Variants in LARGE1 observed in about 807,000 individuals in gnomAD.
LARGE1 encodes the protein LARGE xylosyl- and glucuronyltransferase 1.
In LARGE1, 43 loss-of-function variants were observed where a neutral mutation model predicts 87.6. The ratio of observed to expected loss-of-function variants is 0.49; its 90% CI spans 0.38 to 0.63. The LOEUF (loss-of-function observed/expected upper bound fraction) is 0.63, where lower values mean the gene tolerates loss of function less well. Ranked by LOEUF, LARGE1 falls within the 30% of genes least tolerant of loss-of-function variation. The pLI is 0.00. For synonymous variants in LARGE1, 434 were observed against 394.6 expected, an observed-to-expected ratio of 1.10 and a Z score of -1.18; for missense variants, 802 against 1,000.2, an observed-to-expected ratio of 0.80 and a Z score of 2.67.
intron 1 of LARGE1, among the ~76,000 whole-genome samples, chr22:33,820,253 G>A (rs1361901831): frequency 2.0e-5 from 3 of 152,098 alleles, no homozygotes; most frequent in Admixed American, 6.6e-5. Context: ...CCTGACAATA[G>A]ATGTTTTTAA....
chr22:33,630,856 C>T (rs1422702969), intron 3 of LARGE1, among the ~76,000 whole-genome samples: 1 of 146,332 alleles, frequency 6.8e-6, no homozygotes, highest in Non-Finnish European at 1.5e-5. Context: ...TTTTAACTAT[C>T]TCTTTTTTTT....
At chr22:33,411,558 T>C (rs538572744) in intron 7 of LARGE1, among the ~76,000 whole-genome samples, 1 of 152,354 alleles carries the variant, frequency 6.6e-6, no homozygotes, top group African/African-American at 2.4e-5. Flanking sequence ...TTGGCAAATT[T>C]AAATTTTGAT....
At chr22:33,486,755 A>G (rs1375989736) in intron 6 of LARGE1, among the ~76,000 whole-genome samples, 2 of 152,270 alleles carry the variant, frequency 1.3e-5, no homozygotes, top group South Asian at 2.1e-4. Flanking sequence ...AGTCATCTTC[A>G]TTGACTCCTG....
At chr22:33,158,999 T>C (rs1921944695), downstream of LARGE1, among the ~76,000 whole-genome samples, 1 of 152,252 alleles carries the variant, frequency 6.6e-6, no homozygotes, top group Admixed American at 6.5e-5. Context: ...TTTTTATCAG[T>C]AGTCTGATAT....
intron 1 of LARGE1, among the ~76,000 whole-genome samples, chr22:33,912,890 C>A (rs1223774845): frequency 6.6e-6 from 1 of 150,662 alleles, no homozygotes; most frequent in Non-Finnish European, 1.5e-5. Flanking sequence ...AGCGCAATGG[C>A]TGTGATCTCG....
At chr22:33,524,064 G>A (rs535646352) in intron 6 of LARGE1, among the ~76,000 whole-genome samples, 64 of 152,134 alleles carry the variant, frequency 4.2e-4, no homozygotes, top group African/African-American at 1.3e-3. Context: ...ATGCTGAGGC[G>A]GGCGGATCAT....
chr22:33,716,109 T>C (rs1168669258), intron 2 of LARGE1, among the ~76,000 whole-genome samples: 1 of 152,186 alleles, frequency 6.6e-6, no homozygotes, highest in African/African-American at 2.4e-5. Flanking sequence ...ACCTCTTACT[T>C]TGGGAAACAG....
chr22:33,680,809 GAA>G (rs61043150), intron 2 of LARGE1, among the ~76,000 whole-genome samples: 3,164 of 144,450 alleles, frequency 0.022, 117 homozygotes, highest in African/African-American at 0.074. Context: ...TCTGCTTTAG[GAA>G]AAAAAAAAAA....
intron 6 of LARGE1, among the ~76,000 whole-genome samples, chr22:33,437,424 T>G (rs2067309943): frequency 6.6e-6 from 1 of 152,226 alleles, no homozygotes. Flanking sequence ...TGTGCTTGCT[T>G]CTTCATTCAC....
At chr22:33,831,120 C>T (rs738948) in intron 1 of LARGE1, among the ~76,000 whole-genome samples, 56,409 of 140,782 alleles carry the variant, frequency 0.4, 11,296 homozygotes, top group Non-Finnish European at 0.43. Context: ...TTTTTTGAGA[C>T]GGAGTCTCGC....
intron 6 of LARGE1, among the ~76,000 whole-genome samples, chr22:33,498,921 G>A (rs945059580): frequency 2.0e-5 from 3 of 152,040 alleles, no homozygotes; most frequent in East Asian, 1.9e-4. Context: ...GCAGTGAGCC[G>A]AGATCGCGCC....
intron 6 of LARGE1, among the ~76,000 whole-genome samples, chr22:33,519,231 C>G (rs1162101916): frequency 7.4e-6 from 1 of 134,544 alleles, no homozygotes; most frequent in African/African-American, 2.7e-5. Flanking sequence ...CGTGCGTGCG[C>G]GCGCGTGTGT....
At chr22:33,284,648 G>A (rs762641925) in intron 12 of LARGE1, among the ~76,000 whole-genome samples, 1 of 152,052 alleles carries the variant, frequency 6.6e-6, no homozygotes, top group Non-Finnish European at 1.5e-5. Context: ...TGCAATCTTG[G>A]CTCACGGCAA....
intron 6 of LARGE1, among the ~76,000 whole-genome samples, chr22:33,497,852 G>A (rs748835366): frequency 2.0e-5 from 3 of 152,110 alleles, no homozygotes; most frequent in Non-Finnish European, 4.4e-5. Context: ...CAAAGCAAGA[G>A]TTACAGAGTG....
intron 3 of LARGE1, among the ~76,000 whole-genome samples, chr22:33,647,468 A>G (rs1351293612): frequency 6.6e-6 from 1 of 152,260 alleles, no homozygotes; most frequent in Non-Finnish European, 1.5e-5. Context: ...TGTGGACAAC[A>G]TAGCTAAAGC....
chr22:33,144,401 ATATATTGACAACTACAGAATTATTG>A, the LARGE1 span, among the ~76,000 whole-genome samples: 1 of 152,148 alleles, frequency 6.6e-6, no homozygotes, highest in Non-Finnish European at 1.5e-5. Context: ...TAGTTGTTGC[ATATATTGACAACTACAGAATTATTG>A]ATTCTATAGT....
intron 4 of LARGE1, among the ~76,000 whole-genome samples, chr22:33,625,301 A>G (rs1016334080): frequency 4.6e-5 from 7 of 152,200 alleles, no homozygotes; most frequent in Non-Finnish European, 1.0e-4. Context: ...CTAGATGCCA[A>G]TCAAAATAGT....
At chr22:33,633,513 A>G (rs1167161477) in intron 3 of LARGE1, among the ~76,000 whole-genome samples, 1 of 152,212 alleles carries the variant, frequency 6.6e-6, no homozygotes, top group Non-Finnish European at 1.5e-5. Flanking sequence ...CATTGTCCCA[A>G]AAGAAATTCA....
chr22:33,451,902 C>T lies in LARGE1; in HGVS notation c.788-19637G>A, dbSNP rs75604424. Reference sequence around the variant, plus strand: ...CCTTTGCATCCTCATAGCTTAGCTCCCACTTATCAGTGACAACATACAACG... The same window carrying T: ...CCTTTGCATCCTCATAGCTTAGCTCTCACTTATCAGTGACAACATACAACG... On this transcript the variant is annotated intron_variant, in intron 6 of 14. Transcript: ENST00000397394. 4.3e-4 allele frequency among the ~76,000 whole-genome samples: 65 copies of T among 152,254 alleles called. 1 individual carries two copies. The East Asian group carries it at 0.011, about 25-fold the overall frequency.
Sources: allele counts gnomAD v4.1 joint callset (sites outside exome capture counted in the v4.1 genomes callset), GRCh38; gene constraint gnomAD v4.1.1; transcripts MANE v1.5; gene names NCBI Gene and HGNC (gene_info 2026-07-23, HGNC 2026-07-21).